Variants in SLC36A1 observed in about 807,000 individuals in gnomAD.
The protein encoded by SLC36A1 is proton-coupled amino acid transporter 1.
In SLC36A1, 30 loss-of-function variants were observed where a neutral mutation model predicts 47.5. That is an observed-to-expected ratio of 0.63 (90% CI 0.47 to 0.86). SLC36A1 has a LOEUF of 0.86. Ranked by LOEUF, SLC36A1 falls within the 40% of genes least tolerant of loss-of-function variation. The pLI is 0.00. For missense variants in SLC36A1, 517 were observed against 606.0 expected (o/e 0.85, Z 1.54); for synonymous variants, 255 against 249.7 (o/e 1.02, Z -0.20).
the SLC36A1 span, among the ~76,000 whole-genome samples, chr5:151,541,284 C>T: frequency 6.6e-6 from 1 of 152,228 alleles, no homozygotes; most frequent in African/African-American, 2.4e-5. Context: ...GGATTTCTCA[C>T]TCTGAGATCC....
chr5:151,507,481 C>T, the SLC36A1 span: 2 of 1,614,040 alleles, frequency 1.2e-6, no homozygotes, highest in Admixed American at 1.7e-5. Context: ...AGAAGCCCGA[C>T]AGTGCTTATG....
Position 151,488,159 on chromosome 5 carries a change from G to T in SLC36A1, c.1336G>T (p.Val446Leu). Residue 446 changes from valine (V) to leucine (L), a missense_variant, in exon 11 of 11, where the codon GTG becomes TTG. Val to Leu is a conservative substitution (Grantham distance 32, BLOSUM62 1). Transcript: ENST00000243389. ...KDALISILGFVGFVVGTYEAL... is the reference protein window; with the variant it reads ...KDALISILGFLGFVVGTYEAL... Reference sequence around the variant, plus strand: ...CGCCCTGATCAGCATCCTGGGCTTCGTGGGCTTTGTGGTGGGGACCTATGA... The same window carrying T: ...CGCCCTGATCAGCATCCTGGGCTTCTTGGGCTTTGTGGTGGGGACCTATGA... 6.2e-7 allele frequency: 1 copy of T among 1,614,112 alleles called. No individual in the cohort carries two copies. The highest frequency in any genetic ancestry group is 8.5e-7 in the Non-Finnish European group (1 of 1,179,990).
chr5:151,504,034 G>A, the SLC36A1 span: 3 of 152,350 alleles, frequency 2.0e-5, no homozygotes, highest in East Asian at 1.9e-4. Context: ...ATCTTGGAAC[G>A]GCCTGTGGAC....
chr5:151,531,895 AC>A, the SLC36A1 span: 1 of 1,614,076 alleles, frequency 6.2e-7, no homozygotes. The surrounding 1 kb of genome is among the most constrained non-coding windows in gnomAD (Gnocchi z 5.7). Context: ...CAGGCGGATC[AC>A]CCCCGTGGTG....
the SLC36A1 span, among the ~76,000 whole-genome samples, chr5:151,396,100 GTA>G: frequency 2.1e-5 from 3 of 145,730 alleles, no homozygotes; most frequent in African/African-American, 2.6e-5. Context: ...GTGAGCCACT[GTA>G]CCTGGACTTA....
rs1253118000 is a variant in SLC36A1, at chr5:151,465,108, G to A, written c.358G>A (p.Val120Met). The change falls in exon 5 of 11, where the codon GTG (valine) becomes ATG (methionine). Residue 120 changes from valine (V) to methionine (M), a missense_variant. Physicochemically the swap from Val to Met is conservative, Grantham distance 21 (BLOSUM62 1). Transcript: ENST00000243389. Reference sequence around the variant, plus strand: ...ATCCTTTGTGGATTATGGTGATACTGTGATGTATGGACTAGAATCCAGCCC... The same window carrying A: ...ATCCTTTGTGGATTATGGTGATACTATGATGTATGGACTAGAATCCAGCCC... ...NKSFVDYGDT[V>M]MYGLESSPCS... 1.9e-6 allele frequency: 3 copies of A among 1,614,022 alleles called. No homozygotes were observed. Among genetic ancestry groups the A allele is most frequent in the African/African-American group, 2.7e-5 (2 of 74,914 alleles).
the SLC36A1 span, among the ~76,000 whole-genome samples, chr5:151,349,451 G>A: frequency 6.6e-6 from 1 of 152,122 alleles, no homozygotes; most frequent in East Asian, 1.9e-4. Context: ...CCGAAGCCCT[G>A]GGTTCCGCTA....
chr5:151,416,757 T>C, the SLC36A1 span, among the ~76,000 whole-genome samples: 1 of 152,202 alleles, frequency 6.6e-6, no homozygotes, highest in African/African-American at 2.4e-5. Context: ...TCAGGTGATA[T>C]GGTTAGATTT....
chr5:151,431,277 C>CT, the SLC36A1 span: 1 of 152,176 alleles, frequency 6.6e-6, no homozygotes, highest in African/African-American at 2.4e-5. Context: ...GCAAAGGACA[C>CT]TTACGAGGTC....
chr5:151,370,798 G>T, the SLC36A1 span, among the ~76,000 whole-genome samples: 3 of 152,030 alleles, frequency 2.0e-5, no homozygotes, highest in African/African-American at 7.2e-5. Context: ...TTTGAGACCA[G>T]CCTGGCCAAC....
chr5:151,459,053 G>A, intron 2 of SLC36A1, 118 bp downstream of exon 2: 1 of 1,161,572 alleles, frequency 8.6e-7, no homozygotes, highest in Non-Finnish European at 1.2e-6. Flanking sequence ...GGTCAGCAGT[G>A]AAGAGATTGG....
At chr5:151,424,331 G>A in the SLC36A1 span, among the ~76,000 whole-genome samples, 1 of 152,204 alleles carries the variant, frequency 6.6e-6, no homozygotes, top group Non-Finnish European at 1.5e-5. Flanking sequence ...GGGTTTCAGT[G>A]ATGCTGGAGG....
intron 1 of SLC36A1, among the ~76,000 whole-genome samples, chr5:151,458,326 A>ACATACACTTG (rs1754951532): frequency 3.8e-5 from 4 of 103,988 alleles, no homozygotes; most frequent in African/African-American, 1.3e-4. Flanking sequence ...ATATATATAT[A>ACATACACTTG]TATATATGGG....
the SLC36A1 span, among the ~76,000 whole-genome samples, chr5:151,506,808 T>G: frequency 6.6e-6 from 1 of 152,230 alleles, no homozygotes; most frequent in Non-Finnish European, 1.5e-5. Flanking sequence ...ACCAGAAGCT[T>G]AGACCACTTC....
chr5:151,421,158 C>T, the SLC36A1 span, among the ~76,000 whole-genome samples: 10 of 130,706 alleles, frequency 7.7e-5, no homozygotes, highest in Non-Finnish European at 6.7e-5. Context: ...TAGGCGTGAG[C>T]CACCACGCCC....
the SLC36A1 span, chr5:151,505,600 T>C: frequency 2.5e-6 from 4 of 1,614,008 alleles, no homozygotes; most frequent in Non-Finnish European, 3.4e-6. Flanking sequence ...CCATAATCAC[T>C]CTCCACCATG....
chr5:151,523,206 C>T, the SLC36A1 span, among the ~76,000 whole-genome samples: 2 of 152,112 alleles, frequency 1.3e-5, no homozygotes, highest in African/African-American at 4.8e-5. Context: ...TTAATAGCAA[C>T]AATAATAATT....
chr5:151,458,548 G>T (rs2127471098), intron 1 of SLC36A1, among the ~76,000 whole-genome samples: 1 of 152,120 alleles, frequency 6.6e-6, no homozygotes, highest in African/African-American at 2.4e-5. Context: ...ATTTATGAGT[G>T]TAGCACCACG....
At chr5:151,546,709 C>T in the SLC36A1 span, among the ~76,000 whole-genome samples, 39 of 151,934 alleles carry the variant, frequency 2.6e-4, no homozygotes, top group Non-Finnish European at 5.3e-4. Context: ...AATTTTTAAC[C>T]ATCTTTTGTA....
Sources: allele counts gnomAD v4.1 joint callset (sites outside exome capture counted in the v4.1 genomes callset), GRCh38; gene constraint gnomAD v4.1.1; non-coding constraint Gnocchi (gnomAD v3.1); transcripts MANE v1.5; gene names NCBI Gene and HGNC (gene_info 2026-07-23, HGNC 2026-07-21).